The following ZC3H13 variants were observed in gnomAD, a reference collection of about 807,000 sequenced individuals.
The protein encoded by ZC3H13 is zinc finger CCCH-type containing 13, also known as zinc finger CCCH domain-containing protein 13.
A neutral mutation model predicts 204.1 loss-of-function variants in ZC3H13; 64 were observed. That is an observed-to-expected ratio of 0.31 (90% CI 0.26 to 0.39). The LOEUF (loss-of-function observed/expected upper bound fraction) is 0.39, where lower values mean the gene tolerates loss of function less well. Among genes scored for constraint, ZC3H13 ranks in the 10% least tolerant of loss-of-function variants. ZC3H13 has a pLI of 1.00. For synonymous variants in ZC3H13, 667 were observed against 693.7 expected (o/e 0.96, Z 0.60); for missense variants, 1,833 against 2,082.7 (o/e 0.88, Z 2.33).
intron 5 of ZC3H13, among the ~76,000 whole-genome samples, chr13:46,014,689 C>G (rs1385545920): frequency 6.6e-6 from 1 of 152,150 alleles, no homozygotes; most frequent in Admixed American, 6.5e-5. Flanking sequence ...TTGCTAAAGT[C>G]TTAAATAATT....
chr13:46,025,809 C>A (rs1167791839), intron 4 of ZC3H13, among the ~76,000 whole-genome samples: 2 of 151,794 alleles, frequency 1.3e-5, no homozygotes, highest in East Asian at 3.9e-4. Context: ...ACAAGTGAAG[C>A]AACTATTATT....
At chr13:46,014,787 T>C (rs1253422049) in intron 5 of ZC3H13, among the ~76,000 whole-genome samples, 3 of 152,220 alleles carry the variant, frequency 2.0e-5, no homozygotes, top group African/African-American at 7.2e-5. Context: ...AACAGTTTAG[T>C]GTCATATGCA....
intron 1 of ZC3H13, 28 bp from the exon 2 acceptor site, chr13:46,045,544 C>G: frequency 1.3e-6 from 2 of 1,503,334 alleles, no homozygotes; most frequent in Non-Finnish European, 1.9e-6. Flanking sequence ...AGAGGCAAAA[C>G]TGTAAAATTC....
intron 8 of ZC3H13, among the ~76,000 whole-genome samples, chr13:45,989,379 C>A (rs558149899): frequency 2.6e-5 from 4 of 152,272 alleles, no homozygotes; most frequent in African/African-American, 9.6e-5. Flanking sequence ...ACCATCTACC[C>A]TAACTTAAAG....
At chr13:45,975,053 C>G (rs1014849021) in intron 12 of ZC3H13, among the ~76,000 whole-genome samples, 6 of 151,858 alleles carry the variant, frequency 4.0e-5, no homozygotes, top group African/African-American at 1.5e-4. Flanking sequence ...GCCATGTTGC[C>G]CAGGCTGGTC....
At chr13:46,038,302 G>A (rs1470566575) in intron 4 of ZC3H13, among the ~76,000 whole-genome samples, 2 of 152,050 alleles carry the variant, frequency 1.3e-5, no homozygotes, top group African/African-American at 2.4e-5. Flanking sequence ...CTGACACCGC[G>A]TCGATCCTTC....
intron 4 of ZC3H13, among the ~76,000 whole-genome samples, chr13:46,029,310 T>C (rs2042730044): frequency 6.6e-6 from 1 of 152,006 alleles, no homozygotes; most frequent in African/African-American, 2.4e-5. Context: ...CAATAATTAA[T>C]AACCTTTCAA....
At chr13:45,997,503 A>ACC (rs2040426100) in intron 8 of ZC3H13, among the ~76,000 whole-genome samples, 1 of 152,194 alleles carries the variant, frequency 6.6e-6, no homozygotes, top group Admixed American at 6.5e-5. Flanking sequence ...AAACTTGTAG[A>ACC]CCCCTAAAAT....
At chr13:46,030,427 C>CA in intron 4 of ZC3H13, among the ~76,000 whole-genome samples, 1 of 152,194 alleles carries the variant, frequency 6.6e-6, no homozygotes, top group Admixed American at 6.5e-5. Context: ...TTAAGAAGAA[C>CA]AAAAGTGTCT....
chr13:46,031,268 C>T (rs2042881171), intron 4 of ZC3H13, among the ~76,000 whole-genome samples: 1 of 151,884 alleles, frequency 6.6e-6, no homozygotes, highest in South Asian at 2.1e-4. Context: ...TAGACATAGA[C>T]CTCACAGCCT....
At chr13:45,981,998 C>T (rs1953671593) in intron 10 of ZC3H13, among the ~76,000 whole-genome samples, 1 of 150,246 alleles carries the variant, frequency 6.7e-6, no homozygotes, top group African/African-American at 2.4e-5. Flanking sequence ...TGCACATGTA[C>T]CCTAAAACTT....
At chr13:46,050,412 C>T (rs574751282) in intron 1 of ZC3H13, among the ~76,000 whole-genome samples, 1 of 152,246 alleles carries the variant, frequency 6.6e-6, no homozygotes, top group East Asian at 1.9e-4. Context: ...TTTTCCAGGT[C>T]TCATCTACTG....
intron 17 of ZC3H13, among the ~76,000 whole-genome samples, chr13:45,961,836 T>C (rs1211635536): frequency 5.3e-5 from 8 of 152,044 alleles, no homozygotes; most frequent in Non-Finnish European, 1.0e-4. Flanking sequence ...AAGTATCTCA[T>C]GTACCCCACA....
chr13:45,959,072 T>C (rs1330660893), intron 18 of ZC3H13, among the ~76,000 whole-genome samples: 3 of 152,218 alleles, frequency 2.0e-5, no homozygotes, highest in African/African-American at 7.2e-5. Flanking sequence ...TCAATCTCTT[T>C]ATTCCTCTCA....
At chr13:45,964,117 T>C (rs1464428294) in intron 16 of ZC3H13, 75 bp from the exon 17 acceptor site, 1 of 1,371,348 alleles carries the variant, frequency 7.3e-7, no homozygotes, top group Non-Finnish European at 1.0e-6. Context: ...GACATTTACA[T>C]AAATCAAGGA....
At position 46,013,122 on chromosome 13, in the gene ZC3H13, T is replaced by C. The variant is rs1048333627; in HGVS notation, c.449-1568A>G. Among the ~76,000 whole-genome samples, 18 of 152,238 alleles carry C rather than the reference T, an allele frequency of 1.2e-4. No homozygotes were observed. In the East Asian group the frequency reaches 3.1e-3, roughly 26 times the overall value. On this transcript the variant is annotated intron_variant, in intron 5 of 18. Transcript: ENST00000679008. ...GGGAGAGGCCTGAGCAGTTAAAATA[T>C]ATGTGTAAGTCAGCCAGGCGCAGTG... is the stretch of plus-strand genomic sequence containing the variant.
At chr13:45,990,613 T>A (rs764478301) in intron 8 of ZC3H13, among the ~76,000 whole-genome samples, 7 of 152,318 alleles carry the variant, frequency 4.6e-5, no homozygotes, top group African/African-American at 1.4e-4. Context: ...TGACTCTAAA[T>A]AGAAATTTAT....
chr13:45,967,929 A>G lies in ZC3H13; in HGVS notation c.3896T>C (p.Leu1299Pro). The G allele has an allele frequency of 1.9e-6, 3 of 1,613,906 alleles. No individual in the cohort carries two copies. Among genetic ancestry groups the G allele is most frequent in the Non-Finnish European group, 2.5e-6 (3 of 1,179,938 alleles). ...GTGTTCATATCGATCTCGTTCTTGA[A>G]GCCTGTCTCTGCTATCAAATGACCC... is the stretch of plus-strand genomic sequence containing the variant. Reference protein sequence around the residue: ...RSGSFDSRDRLQERDRYEHDR... With the variant: ...RSGSFDSRDRPQERDRYEHDR... The change falls in exon 15 of 19, where the codon CTT (leucine) becomes CCT (proline). Residue 1299 changes from leucine to proline, a missense_variant. By Grantham distance (98) the Leu-to-Pro change is moderately conservative. Transcript: ENST00000679008.
At chr13:45,993,174 TTATA>T (rs1412408674) in intron 8 of ZC3H13, among the ~76,000 whole-genome samples, 1 of 152,062 alleles carries the variant, frequency 6.6e-6, no homozygotes, top group Non-Finnish European at 1.5e-5. Flanking sequence ...GTAACAACAT[TTATA>T]CAAAAGGACA....
Sources: gnomAD v4.1 joint callset for allele counts (sites outside exome capture counted in the v4.1 genomes callset) on GRCh38, gnomAD v4.1.1 for gene constraint, MANE v1.5 for transcripts, NCBI Gene and HGNC (gene_info 2026-07-23, HGNC 2026-07-21) for gene names.